Variants in GUCY1A2 observed in about 807,000 individuals in gnomAD.
GUCY1A2 encodes the protein guanylate cyclase 1 soluble subunit alpha 2.
In GUCY1A2, 27 loss-of-function variants were observed where a neutral mutation model predicts 63.5. That is an observed-to-expected ratio of 0.43 (90% CI 0.31 to 0.59). The LOEUF is 0.59. GUCY1A2 is among the 20% of genes least tolerant of loss of function. GUCY1A2 has a pLI of 0.11. For synonymous variants in GUCY1A2, 364 were observed against 343.5 expected (o/e 1.06, Z -0.66); for missense variants, 768 against 913.3 (o/e 0.84, Z 2.05).
intron 3 of GUCY1A2, among the ~76,000 whole-genome samples, chr11:106,958,758 T>G (rs183368820): frequency 6.6e-6 from 1 of 152,298 alleles, no homozygotes; most frequent in East Asian, 1.9e-4. Flanking sequence ...TGAGAAACTT[T>G]TATGCCAGGA....
intron 1 of GUCY1A2, among the ~76,000 whole-genome samples, chr11:107,014,485 T>C (rs975765855): frequency 3.9e-5 from 6 of 152,226 alleles, no homozygotes; most frequent in Non-Finnish European, 2.9e-5. Context: ...AGTTTCTCAT[T>C]GTTCAAGGCA....
At chr11:107,005,582 G>A (rs961072348) in intron 1 of GUCY1A2, among the ~76,000 whole-genome samples, 1 of 152,122 alleles carries the variant, frequency 6.6e-6, no homozygotes, top group Non-Finnish European at 1.5e-5. Flanking sequence ...ATACAAAAAT[G>A]ACAATGTAAA....
Position 106,810,251 on chromosome 11 carries a change from T to A in GUCY1A2, c.1434A>T (p.Arg478Ser). ...TCTCTTCTTCCAGGGCCTGGTGAGT[T>A]CTTTCTAAAGTTGCCTTTAATTTAT... ...RMDKLKATLERTHQALEEEKK... is the reference protein window; with the variant it reads ...RMDKLKATLESTHQALEEEKK... The change falls in exon 5 of 8, where the codon AGA becomes AGT. Residue 478 changes from arginine to serine, a missense_variant. Coordinates refer to ENST00000526355, the MANE Select transcript of GUCY1A2 (RefSeq NM_000855.3). 1 of 1,613,964 alleles carries A rather than the reference T, an allele frequency of 6.2e-7. No homozygotes were observed.
intron 6 of GUCY1A2, among the ~76,000 whole-genome samples, chr11:106,737,209 C>T (rs1012802559): frequency 4.6e-5 from 7 of 152,160 alleles, no homozygotes; most frequent in African/African-American, 1.7e-4. Context: ...AGATGGTACA[C>T]TCAAAGTGGT....
chr11:106,962,977 T>TTGAC (rs1861079508), intron 3 of GUCY1A2, among the ~76,000 whole-genome samples: 1 of 152,090 alleles, frequency 6.6e-6, no homozygotes, highest in Non-Finnish European at 1.5e-5. Context: ...TTCTAAACAG[T>TTGAC]TGACTTTACA....
chr11:106,940,663 AATG>A (rs1197456779), intron 3 of GUCY1A2, among the ~76,000 whole-genome samples: 2 of 152,146 alleles, frequency 1.3e-5, no homozygotes, highest in Admixed American at 1.3e-4. Flanking sequence ...ACAAATGTAT[AATG>A]ATATGTATAC....
At chr11:106,715,686 A>T (rs1863201554) in intron 6 of GUCY1A2, among the ~76,000 whole-genome samples, 1 of 152,096 alleles carries the variant, frequency 6.6e-6, no homozygotes, top group Admixed American at 6.6e-5. Flanking sequence ...ATATTTCCTG[A>T]CTGCTCTACT....
chr11:106,905,538 T>C (rs1860192944), intron 4 of GUCY1A2, among the ~76,000 whole-genome samples: 1 of 152,040 alleles, frequency 6.6e-6, no homozygotes, highest in Non-Finnish European at 1.5e-5. Context: ...AACACATAAC[T>C]TTTGGGGGCA....
At chr11:106,970,821 T>A (rs1313299360) in intron 3 of GUCY1A2, among the ~76,000 whole-genome samples, 1 of 151,132 alleles carries the variant, frequency 6.6e-6, no homozygotes, top group African/African-American at 2.4e-5. Context: ...GGAACCAAGG[T>A]ATCCTTCAAT....
chr11:106,906,092 T>C (rs2119844450), intron 4 of GUCY1A2, among the ~76,000 whole-genome samples: 1 of 152,126 alleles, frequency 6.6e-6, no homozygotes, highest in Middle Eastern at 3.4e-3. Flanking sequence ...AAGTGACAAA[T>C]GGGATCTAAT....
chr11:106,753,114 C>A (rs2135386426), intron 6 of GUCY1A2, among the ~76,000 whole-genome samples: 1 of 152,300 alleles, frequency 6.6e-6, no homozygotes, highest in South Asian at 2.1e-4. Flanking sequence ...TCTCTAATGA[C>A]AAGTGATGAT....
chr11:107,003,569 T>A (rs1861635953), intron 1 of GUCY1A2, among the ~76,000 whole-genome samples: 1 of 152,164 alleles, frequency 6.6e-6, no homozygotes, highest in Non-Finnish European at 1.5e-5. Flanking sequence ...ATATCTTCAA[T>A]CCTCTATTTA....
rs1412855880 is a variant in GUCY1A2, at chr11:106,675,251, G to A, written c.*12298C>T. The A allele has an allele frequency of 1.0e-5, 2 of 197,952 alleles. No individual in the cohort carries two copies. Among genetic ancestry groups the A allele is most frequent in the African/African-American group, 4.7e-5 (2 of 42,882 alleles). The allele number at this position is 197,952 out of a possible 1,614,324, so 12.3% of individuals were successfully genotyped here. A position where few individuals can be genotyped will look rare whatever the true frequency, so the allele number is the denominator to read the frequency against. ...CTGTTATAAAACTTCTTTTTCGAAG[G>A]CAAAATTCTCAGGAGGACTTTTTTT... is the stretch of plus-strand genomic sequence containing the variant. On this transcript the variant is annotated 3_prime_UTR_variant, in exon 8 of 8. Coordinates refer to ENST00000526355, the MANE Select transcript of GUCY1A2 (RefSeq NM_000855.3).
chr11:106,951,957 C>T (rs1860915696), intron 3 of GUCY1A2, among the ~76,000 whole-genome samples: 1 of 152,182 alleles, frequency 6.6e-6, no homozygotes, highest in African/African-American at 2.4e-5. Flanking sequence ...CTGCATATGG[C>T]TAGCCAGTTT....
rs1270085789 is a variant in GUCY1A2 at position 106,709,527 on chromosome 11, AATAAT to A, written c.1837-866_1837-862del. Among the ~76,000 whole-genome samples, 79 of 85,464 alleles carry A rather than the reference AATAAT, an allele frequency of 9.2e-4. 2 individuals carry two copies. The highest frequency in any genetic ancestry group is 2.8e-3 in the Admixed American group (15 of 5,290). 56.1% of individuals were successfully genotyped at this position (85,464 alleles called of 152,430 possible). On this transcript the variant is annotated intron_variant, in intron 6 of 7. Coordinates refer to ENST00000526355, the MANE Select transcript of GUCY1A2 (RefSeq NM_000855.3). ...ATATATATTATTCTATAAATATAAT[AATAAT>A]ATAATATATTATATTATTATATAAA...
At chr11:106,735,982 G>GT (rs71470831) in intron 6 of GUCY1A2, among the ~76,000 whole-genome samples, 3 of 151,630 alleles carry the variant, frequency 2.0e-5, no homozygotes, top group African/African-American at 4.8e-5. Context: ...CAAATTATTA[G>GT]TTTTTTTTCC....
chr11:106,824,138 T>C, intron 4 of GUCY1A2: 3 of 1,467,602 alleles, frequency 2.0e-6, no homozygotes, highest in African/African-American at 1.4e-5. Context: ...ATGAGGCACA[T>C]GCTATTACTG....
intron 1 of GUCY1A2, among the ~76,000 whole-genome samples, chr11:107,007,567 C>T (rs963253228): frequency 2.0e-5 from 3 of 152,128 alleles, no homozygotes; most frequent in African/African-American, 7.2e-5. Context: ...ATGTCATACT[C>T]ATCTTCCCAA....
rs1862349422 is a variant in GUCY1A2, at chr11:106,676,534, G to T, written c.*11015C>A. ...TACATTGTATATTGCTTTTTCAATA[G>T]AGTAGACATAAAATTGATGACAAAT... is the stretch of plus-strand genomic sequence containing the variant. On this transcript the variant is annotated 3_prime_UTR_variant, in exon 8 of 8. Coordinates refer to ENST00000526355, the MANE Select transcript of GUCY1A2 (RefSeq NM_000855.3). The T allele has an allele frequency of 5.4e-6, 1 of 186,688 alleles. No individual in the cohort carries two copies. 11.6% of individuals were successfully genotyped at this position (186,688 alleles called of 1,614,324 possible).
Sources: allele counts gnomAD v4.1 joint callset (sites outside exome capture counted in the v4.1 genomes callset), GRCh38; gene constraint gnomAD v4.1.1; transcripts MANE v1.5; gene names NCBI Gene and HGNC (gene_info 2026-07-23, HGNC 2026-07-21).